UGT2B7: variants seen among roughly 807,000 people sequenced by gnomAD.
UGT2B7 encodes UDP glucuronosyltransferase family 2 member B7, also known as UDP-glucuronosyltransferase 2B7.
In UGT2B7, 51 loss-of-function variants were observed where a neutral mutation model predicts 51.9. The ratio of observed to expected loss-of-function variants is 0.98; its 90% CI spans 0.78 to 1.24. The LOEUF is 1.24. Among genes scored for constraint, UGT2B7 ranks in the 50% most tolerant of loss-of-function variants. The pLI, the probability that UGT2B7 is intolerant of heterozygous loss-of-function variation, is 0.00. For synonymous variants in UGT2B7, 225 were observed against 211.6 expected, an observed-to-expected ratio of 1.06 and a Z score of -0.55; for missense variants, 727 against 628.4, an observed-to-expected ratio of 1.16 and a Z score of -1.68.
chr4:69,068,446 C>A (rs887390667), intron 1 of UGT2B7, among the ~76,000 whole-genome samples: 1 of 151,740 alleles, frequency 6.6e-6, no homozygotes, highest in East Asian at 1.9e-4. Flanking sequence ...GTTTAATAAC[C>A]AAAATGTATT....
intron 3 of UGT2B7, among the ~76,000 whole-genome samples, chr4:69,104,186 C>T (rs1205863800): frequency 3.9e-5 from 6 of 152,066 alleles, no homozygotes; most frequent in African/African-American, 1.4e-4. Context: ...ACTCGGGAGG[C>T]TGGGGCAGGA....
At chr4:69,078,435 T>A (rs1302843497) in intron 1 of UGT2B7, among the ~76,000 whole-genome samples, 2 of 152,200 alleles carry the variant, frequency 1.3e-5, no homozygotes, top group Non-Finnish European at 1.5e-5. Context: ...CCTGGACTTT[T>A]TTTGGTTGGT....
intron 1 of UGT2B7, among the ~76,000 whole-genome samples, chr4:69,087,215 G>T (rs981717820): frequency 1.3e-5 from 2 of 151,484 alleles, no homozygotes; most frequent in Non-Finnish European, 3.0e-5. Context: ...TGTTTGTTGT[G>T]TCTAAGTTTG....
intron 2 of UGT2B7, among the ~76,000 whole-genome samples, chr4:69,099,691 T>C (rs1241741048): frequency 6.6e-6 from 1 of 152,092 alleles, no homozygotes; most frequent in African/African-American, 2.4e-5. Flanking sequence ...AAAGTGTCTC[T>C]GGAATATAGT....
intron 1 of UGT2B7, chr4:69,066,307 C>T (rs1718483375): frequency 6.6e-6 from 1 of 152,078 alleles, no homozygotes; most frequent in Non-Finnish European, 1.5e-5. Flanking sequence ...TTTTCTTCTC[C>T]TCCCTCCACC....
At chr4:69,064,112 A>AAGAGAGAGAGAGAGAAAG (rs754723956) in intron 1 of UGT2B7, among the ~76,000 whole-genome samples, 3 of 86,802 alleles carry the variant, frequency 3.5e-5, no homozygotes, top group East Asian at 4.4e-4. Context: ...GAAAGAAAGA[A>AAGAGAGAGAGAGAGAAAG]AAAGAAAGAA....
chr4:69,108,118 G>A lies in UGT2B7; in HGVS notation c.1106G>A (p.Arg369Lys). The A allele has an allele frequency of 6.2e-7, 1 of 1,613,518 alleles. No homozygotes were observed. Among genetic ancestry groups the A allele is most frequent in the Non-Finnish European group, 8.5e-7 (1 of 1,179,580 alleles). ...CCAATCCTAGGTCATCCAAAGACCA[G>A]AGCTTTTATAACTCATGGTGGAGCC... ...QNDLLGHPKT[R>K]AFITHGGANG... Residue 369 changes from arginine (R) to lysine (K), a missense_variant, in exon 5 of 6, where the codon AGA (arginine) becomes AAA (lysine). Coordinates refer to ENST00000305231, the MANE Select transcript of UGT2B7 (RefSeq NM_001074.4).
intron 5 of UGT2B7, among the ~76,000 whole-genome samples, chr4:69,111,824 C>A (rs752829184): frequency 6.6e-6 from 1 of 152,178 alleles, no homozygotes; most frequent in Non-Finnish European, 1.5e-5. Flanking sequence ...TGAGAGAAGT[C>A]CAATTTAAAA....
chr4:69,066,776 T>G (rs1718491434), intron 1 of UGT2B7, among the ~76,000 whole-genome samples: 1 of 152,142 alleles, frequency 6.6e-6, no homozygotes, highest in South Asian at 2.1e-4. Context: ...TTTTCTGGGT[T>G]GTCTGTCTCC....
At chr4:69,110,448 T>C (rs1214456067) in intron 5 of UGT2B7, among the ~76,000 whole-genome samples, 1 of 138,772 alleles carries the variant, frequency 7.2e-6, no homozygotes, top group Non-Finnish European at 1.5e-5. Context: ...CAGATATGTA[T>C]AAATAAATCT....
rs1718480420 is a variant in UGT2B7, at chr4:69,066,191, A to G, written c.-159+14589A>G. ...ATACTTTTTTAAAACTTTTAAGTTC[A>G]GGCGTACATGTTCCGGTTTGTTGCA... On this transcript the variant is annotated intron_variant, in intron 1 of 5. Transcript: ENST00000502942. 2.0e-5 allele frequency among the ~76,000 whole-genome samples: 3 copies of G among 152,334 alleles called. No homozygotes were observed. In the South Asian group the frequency reaches 6.2e-4, roughly 32 times the overall value.
At chr4:69,108,006 G>T (rs1193142124) in intron 4 of UGT2B7, 97 bp from the exon 5 acceptor site, 5 of 1,448,238 alleles carry the variant, frequency 3.5e-6, no homozygotes, top group Admixed American at 3.9e-5. Flanking sequence ...ATTTAGTTCA[G>T]TGTTTTAGCT....
intron 1 of UGT2B7, among the ~76,000 whole-genome samples, chr4:69,063,295 G>T (rs1189063234): frequency 2.4e-5 from 3 of 125,212 alleles, no homozygotes; most frequent in African/African-American, 9.7e-5. Flanking sequence ...CTCCAGCCTG[G>T]GCGACAGAGC....
chr4:69,087,154 T>TTATG (rs961607885), intron 1 of UGT2B7, among the ~76,000 whole-genome samples: 1 of 151,492 alleles, frequency 6.6e-6, no homozygotes, highest in African/African-American at 2.4e-5. Context: ...GTGTCTTCCT[T>TTATG]TATGGTTAAG....
At chr4:69,074,553 G>A (rs1388668568) in intron 1 of UGT2B7, among the ~76,000 whole-genome samples, 1 of 151,398 alleles carries the variant, frequency 6.6e-6, no homozygotes, top group Non-Finnish European at 1.5e-5. Context: ...GTTTTCTTGA[G>A]GAAATCTTCA....
chr4:69,055,098 T>TAAAAAAAAAAAAAAAAAA (rs1178892377), intron 1 of UGT2B7, among the ~76,000 whole-genome samples: 14 of 22,564 alleles, frequency 6.2e-4, no homozygotes, highest in Non-Finnish European at 8.2e-4. Flanking sequence ...AAGTAATAGC[T>TAAAAAAAAAAAAAAAAAA]AAAAAAAAAA....
At chr4:69,098,495 T>C (rs1719315248) in intron 1 of UGT2B7, 45 bp from the exon 2 acceptor site, 3 of 1,570,034 alleles carry the variant, frequency 1.9e-6, no homozygotes, top group Admixed American at 2.2e-5. Flanking sequence ...TTACCTAAAG[T>C]AATTATCTTG....
intron 1 of UGT2B7, among the ~76,000 whole-genome samples, chr4:69,074,043 T>G (rs559978227): frequency 6.6e-6 from 1 of 152,302 alleles, no homozygotes; most frequent in South Asian, 2.1e-4. Context: ...TGAATCATAC[T>G]TATTTAAAAA....
intron 2 of UGT2B7, among the ~76,000 whole-genome samples, chr4:69,090,675 T>C (rs879605913): frequency 1.3e-5 from 2 of 152,146 alleles, no homozygotes; most frequent in Non-Finnish European, 2.9e-5. Flanking sequence ...GTGGTAGTTA[T>C]ACTTCAAGAT....
Sources: allele counts gnomAD v4.1 joint callset (sites outside exome capture counted in the v4.1 genomes callset), GRCh38; gene constraint gnomAD v4.1.1; transcripts MANE v1.5; gene names NCBI Gene and HGNC (gene_info 2026-07-23, HGNC 2026-07-21).